The following PSIP1 variants were observed in gnomAD, a reference collection of about 807,000 sequenced individuals.
PSIP1 encodes PC4 and SFRS1-interacting protein.
PSIP1 carries 19 observed loss-of-function variants against 74.7 expected under a neutral mutation model. That is an observed-to-expected ratio of 0.25 (90% CI 0.18 to 0.37). The LOEUF (loss-of-function observed/expected upper bound fraction) is 0.37, where lower values mean the gene tolerates loss of function less well. Ranked by LOEUF, PSIP1 falls within the 10% of genes least tolerant of loss-of-function variation. The probability of loss-of-function intolerance (pLI) is 1.00; values close to 1 mark genes in which losing one functional copy is unlikely to be tolerated. For missense variants in PSIP1, 601 were observed against 614.3 expected (o/e 0.98, Z 0.23); for synonymous variants, 222 against 195.3 (o/e 1.14, Z -1.14).
chr9:15,509,368 G>C (rs7470146), intron 2 of PSIP1, among the ~76,000 whole-genome samples: 52,135 of 151,990 alleles, frequency 0.34, 11,248 homozygotes, highest in East Asian at 0.69. Flanking sequence ...ATGGAGCGTA[G>C]ATCTTTAAAC....
In PSIP1 at chr9:15,501,866, T is replaced by TATAA. The variant is rs1491160431; in HGVS notation, c.149+4694_149+4695insTTAT. Among the ~76,000 whole-genome samples, 48 of 135,676 alleles carry TATAA rather than the reference T, an allele frequency of 3.5e-4. 1 individual carries two copies. The highest frequency in any genetic ancestry group is 1.1e-3 in the African/African-American group (40 of 35,926). 89.0% of individuals were successfully genotyped at this position (135,676 alleles called of 152,430 possible). A position where few individuals can be genotyped will look rare whatever the true frequency, so the allele number is the denominator to read the frequency against. On this transcript the variant is annotated intron_variant, in intron 3 of 15. Coordinates refer to ENST00000380733, the MANE Select transcript of PSIP1 (RefSeq NM_033222.5). ...ATATATATATATATATATATATATA[T>TATAA]AAAACGCACACCCTCCCATATACTT...
At chr9:15,466,916 G>A in intron 14 of PSIP1, 57 bp from the exon 15 acceptor site, 2 of 1,300,190 alleles carry the variant, frequency 1.5e-6, no homozygotes, top group Non-Finnish European at 2.2e-6. Context: ...AATAATTGAA[G>A]GTGTCCACTA....
intron 6 of PSIP1, among the ~76,000 whole-genome samples, chr9:15,480,038 A>G (rs567900032): frequency 6.6e-6 from 1 of 152,334 alleles, no homozygotes; most frequent in Non-Finnish European, 1.5e-5. Flanking sequence ...TTTATTTCTA[A>G]ACTGAGACTG....
chr9:15,488,718 C>A (rs1301145912), intron 4 of PSIP1, among the ~76,000 whole-genome samples: 1 of 152,006 alleles, frequency 6.6e-6, no homozygotes, highest in Non-Finnish European at 1.5e-5. Context: ...AACCCCGTCT[C>A]TACTAAAAAT....
intron 15 of PSIP1, 122 bp from the exon 16 acceptor site, chr9:15,465,702 GA>G: frequency 2.7e-6 from 2 of 728,662 alleles, no homozygotes; most frequent in South Asian, 4.4e-5. Context: ...CCAAACAAAA[GA>G]AAAACTTGAC....
intron 5 of PSIP1, among the ~76,000 whole-genome samples, 182 bp downstream of exon 5, chr9:15,486,645 A>G (rs2036566827): frequency 6.6e-6 from 1 of 152,250 alleles, no homozygotes; most frequent in East Asian, 2.0e-4. Flanking sequence ...CATCTTAAAG[A>G]TGCATAAGTT....
Position 15,506,650 on chromosome 9 carries a change from T to A in PSIP1, c.73-13A>T, listed in dbSNP as rs369034383. The stretch of plus-strand genomic sequence containing the variant: ...GAACTTCGTCTACCTAAAAGAAAAG[T>A]GAGAAAAATTAAAATATTTTAAATC... On this transcript the variant is annotated splice_polypyrimidine_tract_variant and intron_variant, in intron 2 of 15. Coordinates refer to ENST00000380733, the MANE Select transcript of PSIP1 (RefSeq NM_033222.5). The A allele has an allele frequency of 2.5e-6, 4 of 1,581,098 alleles. No homozygotes were observed. Among genetic ancestry groups the A allele is most frequent in the Non-Finnish European group, 3.5e-6 (4 of 1,151,538 alleles).
chr9:15,472,386 C>G (rs767570753), intron 10 of PSIP1: 131 of 1,298,998 alleles, frequency 1.0e-4, no homozygotes, highest in Non-Finnish European at 1.2e-4. Context: ...CAATTAAATC[C>G]TATCTGCACT....
intron 15 of PSIP1, among the ~76,000 whole-genome samples, chr9:15,466,266 C>G (rs1041474774): frequency 2.6e-5 from 4 of 151,954 alleles, no homozygotes; most frequent in African/African-American, 9.7e-5. Context: ...GTAATCCCAG[C>G]TACTTGGGAG....
intron 3 of PSIP1, 121 bp downstream of exon 3, chr9:15,506,440 C>G (rs1586869406): frequency 3.0e-6 from 2 of 659,514 alleles, no homozygotes; most frequent in Non-Finnish European, 5.0e-6. Flanking sequence ...AAGACTCTTT[C>G]CAAAGTTCAA....
At chr9:15,507,425 G>A (rs1352974552) in intron 2 of PSIP1, among the ~76,000 whole-genome samples, 1 of 152,130 alleles carries the variant, frequency 6.6e-6, no homozygotes, top group Non-Finnish European at 1.5e-5. Context: ...CAAGGTGGAT[G>A]GATCATGAGG....
chr9:15,486,088 A>C lies in PSIP1; in HGVS notation c.394-20T>G. The C allele has an allele frequency of 6.5e-7, 1 of 1,526,786 alleles. No homozygotes were observed. Among genetic ancestry groups the C allele is most frequent in the Non-Finnish European group, 9.0e-7 (1 of 1,114,766 alleles). 94.6% of individuals were successfully genotyped at this position (1,526,786 alleles called of 1,614,324 possible). Reference sequence around the variant, plus strand: ...CACATCCTAAAAAAGAAAAAAGAAAACTGAATACTGAATAAATTATTCCAG... The same window carrying C: ...CACATCCTAAAAAAGAAAAAAGAAACCTGAATACTGAATAAATTATTCCAG... On this transcript the variant is annotated intron_variant, in intron 5 of 15. Transcript: ENST00000380733.
Position 15,486,267 on chromosome 9 carries a change from G to T in PSIP1, c.394-199C>A, listed in dbSNP as rs16933320. Among the ~76,000 whole-genome samples the T allele has an allele frequency of 1.2e-4, 18 of 152,290 alleles. No individual in the cohort carries two copies. The South Asian group carries it at 2.5e-3, about 21-fold the overall frequency. Reference sequence around the variant, plus strand: ...ATGCATTTCCACTGTCAGATCAAATGTAAGTCATGGTTGCTGGTACACCAG... The same window carrying T: ...ATGCATTTCCACTGTCAGATCAAATTTAAGTCATGGTTGCTGGTACACCAG... On this transcript the variant is annotated intron_variant, in intron 5 of 15. Transcript: ENST00000380733.
intron 6 of PSIP1, among the ~76,000 whole-genome samples, chr9:15,481,496 G>C (rs141740636): frequency 1.3e-5 from 2 of 152,140 alleles, no homozygotes; most frequent in Non-Finnish European, 2.9e-5. Context: ...AGGAGTTCGA[G>C]ACCAGCCTGG....
intron 10 of PSIP1, 61 bp from the exon 11 acceptor site, chr9:15,470,054 T>G (rs772828559): frequency 1.9e-4 from 253 of 1,340,700 alleles, no homozygotes; most frequent in Admixed American, 3.8e-4. Flanking sequence ...ATGCCCACAA[T>G]CCCTATGTAA....
chr9:15,467,501 AAG>A (rs2035687307), intron 14 of PSIP1, among the ~76,000 whole-genome samples: 1 of 152,212 alleles, frequency 6.6e-6, no homozygotes, highest in Non-Finnish European at 1.5e-5. Context: ...ATTCTGTTTT[AAG>A]AGTCTTTCAT....
At chr9:15,478,388 G>A in intron 8 of PSIP1, 89 bp downstream of exon 8, 3 of 1,030,292 alleles carry the variant, frequency 2.9e-6, no homozygotes, top group Middle Eastern at 2.2e-4. Flanking sequence ...CATCCTGTAA[G>A]AGAAAACTGA....
Position 15,510,292 on chromosome 9 carries a change from G to A in PSIP1, c.-104C>T. The A allele has an allele frequency of 1.1e-6, 1 of 929,678 alleles. No individual in the cohort carries two copies. Among genetic ancestry groups the A allele is most frequent in the Non-Finnish European group, 1.5e-6 (1 of 646,304 alleles). The allele number at this position is 929,678 out of a possible 1,614,324, so 57.6% of individuals were successfully genotyped here. On this transcript the variant is annotated 5_prime_UTR_variant, in exon 2 of 16. Coordinates refer to ENST00000380733, the MANE Select transcript of PSIP1 (RefSeq NM_033222.5). ...CGCGGGCCCAGCTACCGGGCCCGCGGGCGGGGGAGGATGCCTCGGGGCGTC... is the reference window on the plus strand; with the variant it reads ...CGCGGGCCCAGCTACCGGGCCCGCGAGCGGGGGAGGATGCCTCGGGGCGTC...
intron 14 of PSIP1, chr9:15,468,407 T>C (rs765282238): frequency 4.5e-6 from 3 of 664,200 alleles, no homozygotes; most frequent in Non-Finnish European, 8.4e-6. Context: ...TCATGAGCAA[T>C]GGTTTCTGCC....
Sources: gnomAD v4.1 joint callset for allele counts (sites outside exome capture counted in the v4.1 genomes callset) on GRCh38, gnomAD v4.1.1 for gene constraint, MANE v1.5 for transcripts, NCBI Gene and HGNC (gene_info 2026-07-23, HGNC 2026-07-21) for gene names.